Variants in SLCO1B1 observed in about 807,000 individuals in gnomAD.
The protein encoded by SLCO1B1 is OATP-2.
A neutral mutation model predicts 70.1 loss-of-function variants in SLCO1B1; 81 were observed. The observed-to-expected ratio is 1.16, with a 90% CI of 0.97 to 1.39. The LOEUF is 1.39. SLCO1B1 is among the 40% of genes most tolerant of loss of function. The probability of loss-of-function intolerance (pLI) is 0.00; values close to 1 mark genes in which losing one functional copy is unlikely to be tolerated. For missense variants in SLCO1B1, 895 were observed against 799.6 expected (o/e 1.12, Z -1.44); for synonymous variants, 283 against 271.5 (o/e 1.04, Z -0.42).
intron 2 of SLCO1B1, among the ~76,000 whole-genome samples, chr12:21,157,517 A>G (rs1402558251): frequency 1.3e-5 from 2 of 152,180 alleles, no homozygotes; most frequent in African/African-American, 2.4e-5. Context: ...TTCTAACCAG[A>G]AAATCTTCTA....
At chr12:21,205,723 CA>C in intron 10 of SLCO1B1, 144 bp from the exon 11 acceptor site, 1 of 614,420 alleles carries the variant, frequency 1.6e-6, no homozygotes. Flanking sequence ...ATCATCAAAG[CA>C]AATTTCTTCA....
chr12:21,179,112 A>G (rs1006555448), intron 7 of SLCO1B1, 92 bp downstream of exon 7: 3 of 795,906 alleles, frequency 3.8e-6, no homozygotes, highest in Non-Finnish European at 6.7e-6. Flanking sequence ...CACTCTTTCA[A>G]TAGTCCTTTG....
intron 1 of SLCO1B1, among the ~76,000 whole-genome samples, chr12:21,140,556 G>T (rs1281236239): frequency 6.6e-6 from 1 of 151,896 alleles, no homozygotes; most frequent in African/African-American, 2.4e-5. Flanking sequence ...AATGGCATAT[G>T]ATATATTAAG....
chr12:21,183,513 G>A (rs71446755), intron 7 of SLCO1B1, among the ~76,000 whole-genome samples: 18,594 of 152,188 alleles, frequency 0.12, 1,513 homozygotes, highest in Non-Finnish European at 0.18. Context: ...TAGTTTGTCA[G>A]TATACATTGC....
At chr12:21,222,439 T>C (rs1403962303) in intron 13 of SLCO1B1, 75 bp downstream of exon 13, 4 of 190,216 alleles carry the variant, frequency 2.1e-5, no homozygotes, top group South Asian at 1.4e-4. Flanking sequence ...CACACACACA[T>C]ACATATATTA....
intron 1 of SLCO1B1, among the ~76,000 whole-genome samples, chr12:21,135,373 A>T (rs1940202911): frequency 6.6e-6 from 1 of 152,250 alleles, no homozygotes; most frequent in African/African-American, 2.4e-5. Context: ...AGCTGAGTTC[A>T]ATTCCTGGGT....
intron 7 of SLCO1B1, among the ~76,000 whole-genome samples, chr12:21,186,653 G>T (rs2121121755): frequency 6.6e-6 from 1 of 151,644 alleles, no homozygotes; most frequent in Non-Finnish European, 1.5e-5. Context: ...CCAGCATAAA[G>T]ATCATTGTAA....
At chr12:21,203,010 T>G (rs766265974) in intron 10 of SLCO1B1, among the ~76,000 whole-genome samples, 4 of 152,066 alleles carry the variant, frequency 2.6e-5, no homozygotes, top group Non-Finnish European at 5.9e-5. Flanking sequence ...ACAGCTAGCA[T>G]TATTAAGATT....
intron 6 of SLCO1B1, 70 bp from the exon 7 acceptor site, chr12:21,178,852 T>C: frequency 2.1e-6 from 3 of 1,400,882 alleles, no homozygotes; most frequent in Non-Finnish European, 3.0e-6. Flanking sequence ...ATCATATTTC[T>C]TTTAAAAACA....
intron 14 of SLCO1B1, among the ~76,000 whole-genome samples, chr12:21,235,081 A>ATTT (rs61184106): frequency 7.4e-6 from 1 of 135,792 alleles, no homozygotes; most frequent in Non-Finnish European, 1.6e-5. Context: ...TTCAAGTCGA[A>ATTT]TTTTTTTTTT....
At chr12:21,157,315 A>C (rs2121070814) in intron 2 of SLCO1B1, among the ~76,000 whole-genome samples, 1 of 152,270 alleles carries the variant, frequency 6.6e-6, no homozygotes, top group South Asian at 2.1e-4. Context: ...AAAGTAGAAG[A>C]AAAAAGAAGG....
At chr12:21,188,468 T>A (rs1940988020) in intron 7 of SLCO1B1, among the ~76,000 whole-genome samples, 1 of 152,222 alleles carries the variant, frequency 6.6e-6, no homozygotes, top group South Asian at 2.1e-4. Flanking sequence ...CTGTTTATGT[T>A]ATTGGTAAGG....
chr12:21,178,656 A>G lies in SLCO1B1; in HGVS notation c.562A>G (p.Ile188Val), dbSNP rs1940852305. The G allele has an allele frequency of 3.1e-6, 5 of 1,606,512 alleles. No homozygotes were observed. Among genetic ancestry groups the G allele is most frequent in the Non-Finnish European group, 4.3e-6 (5 of 1,173,116 alleles). ...GCTTCGTGGAATAGGGGAGACTCCC[A>G]TAGTACCATTGGGGCTTTCTTACAT... The part of the protein sequence containing the change: ...NMLRGIGETP[I>V]VPLGLSYIDD... The change falls in exon 6 of 15, where the codon ATA becomes GTA. Residue 188 changes from isoleucine to valine, a missense_variant. Physicochemically the swap from Ile to Val is conservative, Grantham distance 29. Coordinates refer to ENST00000256958, the MANE Select transcript of SLCO1B1 (RefSeq NM_006446.5).
chr12:21,180,953 A>G (rs1170761850), intron 7 of SLCO1B1, among the ~76,000 whole-genome samples: 1 of 152,190 alleles, frequency 6.6e-6, no homozygotes, highest in Non-Finnish European at 1.5e-5. Context: ...GATGAGTATG[A>G]GCTTCACTTA....
intron 2 of SLCO1B1, among the ~76,000 whole-genome samples, chr12:21,145,498 T>TTTTTTTTTTTTTTTTA: frequency 6.8e-6 from 1 of 146,974 alleles, no homozygotes; most frequent in Non-Finnish European, 1.5e-5. Context: ...TTTTTTTTTT[T>TTTTTTTTTTTTTTTTA]TAGTAGAGAT....
At chr12:21,157,213 A>T (rs1157386745) in intron 2 of SLCO1B1, among the ~76,000 whole-genome samples, 1 of 152,174 alleles carries the variant, frequency 6.6e-6, no homozygotes, top group African/African-American at 2.4e-5. Context: ...CCCAGATCTG[A>T]CTTTAAAGTA....
At chr12:21,205,842 G>C (rs1371266125) in intron 10 of SLCO1B1, 26 bp from the exon 11 acceptor site, 2 of 1,493,030 alleles carry the variant, frequency 1.3e-6, no homozygotes, top group African/African-American at 1.4e-5. Flanking sequence ...CTCTCTTTTT[G>C]ATATATGTCT....
At chr12:21,213,592 C>G (rs942659186) in intron 11 of SLCO1B1, among the ~76,000 whole-genome samples, 6 of 136,034 alleles carry the variant, frequency 4.4e-5, no homozygotes, top group Admixed American at 2.2e-4. Context: ...TCTGTATTTC[C>G]TGAATCTGAA....
At chr12:21,173,728 ATTG>A (rs1292446368) in intron 3 of SLCO1B1, among the ~76,000 whole-genome samples, 3 of 136,812 alleles carry the variant, frequency 2.2e-5, no homozygotes, top group Admixed American at 2.2e-4. Context: ...CTATTTGTTT[ATTG>A]TTATGCCTGA....
Sources: gnomAD v4.1 joint callset for allele counts (sites outside exome capture counted in the v4.1 genomes callset) on GRCh38, gnomAD v4.1.1 for gene constraint, MANE v1.5 for transcripts, NCBI Gene and HGNC (gene_info 2026-07-23, HGNC 2026-07-21) for gene names.